Variants in KCNQ1 observed in about 807,000 individuals in gnomAD.
KCNQ1 encodes potassium voltage-gated channel subfamily KQT member 1.
In KCNQ1, 49 loss-of-function variants were observed where a neutral mutation model predicts 72.4. The ratio of observed to expected loss-of-function variants is 0.68; its 90% confidence interval spans 0.54 to 0.86. The LOEUF (loss-of-function observed/expected upper bound fraction) is 0.86. Ranked by LOEUF, KCNQ1 falls within the 40% of genes least tolerant of loss-of-function variation. The probability of loss-of-function intolerance (pLI) is 0.00; values close to 1 mark genes in which losing one functional copy is unlikely to be tolerated. For synonymous variants in KCNQ1, 450 were observed against 412.6 expected, an observed-to-expected ratio of 1.09 and a Z score of -1.10; for missense variants, 790 against 945.1, an observed-to-expected ratio of 0.84 and a Z score of 2.15.
At position 2,715,389 on chromosome 11, in the gene KCNQ1, G is replaced by C. The variant is rs911913298; in HGVS notation, c.1514+53308G>C. On this transcript the variant is annotated intron_variant, in intron 11 of 15. Transcript: ENST00000155840. This position sits in a 1 kb window ranked among gnomAD's most constrained non-coding sequence, Gnocchi z 4.9. ...GAGCAGGCAGGAGTGGGGCAGGAGG[G>C]GGCTTTGCAGATTACCCAGACCCTT... Among the ~76,000 whole-genome samples, 16 of 152,242 alleles carry C rather than the reference G, an allele frequency of 1.1e-4. No homozygotes were observed. The highest frequency in any genetic ancestry group is 6.5e-4 in the Admixed American group (10 of 15,300).
chr11:2,628,594 C>G (rs903469268), intron 10 of KCNQ1: 3 of 398,268 alleles, frequency 7.5e-6, no homozygotes, highest in African/African-American at 2.1e-5. Context: ...CATGTGCTGC[C>G]TTTTCATTTT....
chr11:2,678,061 A>G lies in KCNQ1; in HGVS notation c.1514+15980A>G. 5.0e-6 allele frequency: 2 copies of G among 398,344 alleles called. No individual in the cohort carries two copies. The highest frequency in any genetic ancestry group is 4.4e-5 in the Admixed American group (1 of 22,734). The allele number at this position is 398,344 out of a possible 1,614,324, so 24.7% of individuals were successfully genotyped here. A position where few individuals can be genotyped will look rare whatever the true frequency, so the allele number is the denominator to read the frequency against. On this transcript the variant is annotated intron_variant, in intron 11 of 15. Transcript: ENST00000155840. This position sits in a 1 kb window ranked among gnomAD's most constrained non-coding sequence, Gnocchi z 4.9. Reference sequence around the variant, plus strand: ...TGAACTATTTCTTCATACCCTTTGGACTTTGTAAAATACCTTGTCTTACTG... The same window carrying G: ...TGAACTATTTCTTCATACCCTTTGGGCTTTGTAAAATACCTTGTCTTACTG...
At chr11:2,747,065 G>A (rs530708197) in intron 11 of KCNQ1, among the ~76,000 whole-genome samples, 10 of 152,292 alleles carry the variant, frequency 6.6e-5, no homozygotes, top group African/African-American at 2.2e-4. Flanking sequence ...GGGCTCTGGC[G>A]GGGTCCTGGA....
intron 11 of KCNQ1, among the ~76,000 whole-genome samples, chr11:2,721,084 C>T (rs927227142): frequency 2.0e-5 from 3 of 152,110 alleles, no homozygotes; most frequent in Non-Finnish European, 1.5e-5. Flanking sequence ...TAAAGAGTTT[C>T]TAAAAGGTGG....
In KCNQ1 at chr11:2,662,944, G is replaced by C. The variant is rs188674372; in HGVS notation, c.1514+863G>C. ...CTGAGCCATGTGTGTCTTTGTCGTA[G>C]TGAGGCCCTGGGCCTCCTGCCTTTG... On this transcript the variant is annotated intron_variant, in intron 11 of 15. Transcript: ENST00000155840. The C allele has an allele frequency of 1.6e-3, 641 of 398,666 alleles. 3 individuals carry two copies. The highest frequency in any genetic ancestry group is 2.6e-3 in the Admixed American group (60 of 22,744). The allele number at this position is 398,666 out of a possible 1,614,324, so 24.7% of individuals were successfully genotyped here. A position where few individuals can be genotyped will look rare whatever the true frequency, so the allele number is the denominator to read the frequency against.
In KCNQ1 at chr11:2,471,265, C is replaced by T. The variant is rs1240817486; in HGVS notation, c.386+25781C>T. Among the ~76,000 whole-genome samples the T allele has an allele frequency of 1.3e-5, 2 of 152,174 alleles. No homozygotes were observed. The highest frequency in any genetic ancestry group is 2.9e-5 in the Non-Finnish European group (2 of 68,030). On this transcript the variant is annotated intron_variant, in intron 1 of 15. Transcript: ENST00000155840. The surrounding 1 kb of genome is among the most constrained non-coding windows in gnomAD (Gnocchi z 4.8). ...GTCCCCAACTTTTCAGACCCCACCT[C>T]TGTGTTGCTCTGCAAGTGGGGATCA...
intron 10 of KCNQ1, chr11:2,639,702 A>C (rs774856136): frequency 6.6e-6 from 1 of 152,256 alleles, no homozygotes; most frequent in East Asian, 1.9e-4. Context: ...TTAGATCTCA[A>C]ACTCCGTGCT....
chr11:2,494,972 G>C lies in KCNQ1; in HGVS notation c.387-32956G>C, dbSNP rs992684205. Among the ~76,000 whole-genome samples, 2 of 152,064 alleles carry C rather than the reference G, an allele frequency of 1.3e-5. No homozygotes were observed. Among genetic ancestry groups the C allele is most frequent in the Non-Finnish European group, 2.9e-5 (2 of 67,990 alleles). ...TGGGTGTGAATCCGTCTGGTCCTGGGCTTTTTTTGGTTGGCAGGCTATTAA... is the reference window on the plus strand; with the variant it reads ...TGGGTGTGAATCCGTCTGGTCCTGGCCTTTTTTTGGTTGGCAGGCTATTAA... On this transcript the variant is annotated intron_variant, in intron 1 of 15. Transcript: ENST00000155840. The surrounding 1 kb of genome is among the most constrained non-coding windows in gnomAD (Gnocchi z 4.6).
rs968728495 is a variant in KCNQ1 at position 2,713,244 on chromosome 11, C to T, written c.1514+51163C>T. 4.0e-4 allele frequency among the ~76,000 whole-genome samples: 61 copies of T among 152,242 alleles called. No homozygotes were observed. Among genetic ancestry groups the T allele is most frequent in the African/African-American group, 1.4e-3 (57 of 41,524 alleles). On this transcript the variant is annotated intron_variant, in intron 11 of 15. Transcript: ENST00000155840. This position sits in a 1 kb window ranked among gnomAD's most constrained non-coding sequence, Gnocchi z 5.6. The stretch of plus-strand genomic sequence containing the variant: ...GTCCCGAGCCAGCCGGACCTGCATC[C>T]CGCTCCTCCTCCGCTCCCTGGAAAC...
intron 15 of KCNQ1, among the ~76,000 whole-genome samples, chr11:2,838,350 G>A (rs1011169918): frequency 3.2e-4 from 49 of 152,104 alleles, no homozygotes; most frequent in African/African-American, 3.9e-4. Flanking sequence ...GGACCGGCGC[G>A]CCGGGAAGCA....
In KCNQ1 at chr11:2,601,346, C is replaced by T. The variant is rs556951835; in HGVS notation, c.1393+12492C>T. 2.0e-5 allele frequency among the ~76,000 whole-genome samples: 3 copies of T among 152,170 alleles called. No individual in the cohort carries two copies. Among genetic ancestry groups the T allele is most frequent in the South Asian group, 2.1e-4 (1 of 4,818 alleles). On this transcript the variant is annotated intron_variant, in intron 10 of 15. Coordinates refer to ENST00000155840, the MANE Select transcript of KCNQ1 (RefSeq NM_000218.3). This position sits in a 1 kb window ranked among gnomAD's most constrained non-coding sequence, Gnocchi z 5.2. Reference sequence around the variant, plus strand: ...GAAATATTTATTCAGATCTTTTGCCCGTTTAAAAAAATGAGACTTTCAAGC... The same window carrying T: ...GAAATATTTATTCAGATCTTTTGCCTGTTTAAAAAAATGAGACTTTCAAGC...
At chr11:2,802,000 G>C (rs1297874685) in intron 15 of KCNQ1, among the ~76,000 whole-genome samples, 3 of 152,136 alleles carry the variant, frequency 2.0e-5, no homozygotes, top group Non-Finnish European at 4.4e-5. Context: ...CCTCCAGTAG[G>C]GTGTTGGGGG....
rs1429169373 is a variant in KCNQ1, at chr11:2,559,132, G to C, written c.478-11496G>C. ...GAGCCTTGGCCTGCAGGGAGGTTTT[G>C]CTCAAGGAGTGTCCCTTGAGCAAAA... is the stretch of plus-strand genomic sequence containing the variant. On this transcript the variant is annotated intron_variant, in intron 2 of 15. Transcript: ENST00000155840. The surrounding 1 kb of genome is among the most constrained non-coding windows in gnomAD (Gnocchi z 4.9). Among the ~76,000 whole-genome samples the C allele has an allele frequency of 6.6e-6, 1 of 152,046 alleles. No homozygotes were observed. The highest frequency in any genetic ancestry group is 1.5e-5 in the Non-Finnish European group (1 of 67,978).
intron 11 of KCNQ1, chr11:2,675,210 C>T (rs1651151861): frequency 5.0e-6 from 2 of 398,576 alleles, no homozygotes; most frequent in South Asian, 1.3e-4. Flanking sequence ...TGTGTCATTT[C>T]CCCAGAATAG....
At chr11:2,721,512 G>C (rs541332268) in intron 11 of KCNQ1, among the ~76,000 whole-genome samples, 50 of 152,236 alleles carry the variant, frequency 3.3e-4, no homozygotes, top group Non-Finnish European at 6.6e-4. Context: ...AGGTGTGAGT[G>C]GAATCAGCAA....
chr11:2,769,699 A>G lies in KCNQ1; in HGVS notation c.1590+780A>G, dbSNP rs1846559292. ...TATCCTCTGTGGTGGGTGATCCAGA[A>G]GGCAAAAATCACAAAGCAGGGAAGG... is the stretch of plus-strand genomic sequence containing the variant. On this transcript the variant is annotated intron_variant, in intron 12 of 15. Transcript: ENST00000155840. The surrounding 1 kb of genome is among the most constrained non-coding windows in gnomAD (Gnocchi z 4.6). Among the ~76,000 whole-genome samples the G allele has an allele frequency of 6.6e-6, 1 of 152,142 alleles. No individual in the cohort carries two copies. Among genetic ancestry groups the G allele is most frequent in the Non-Finnish European group, 1.5e-5 (1 of 68,014 alleles).
rs566614136 is a variant in KCNQ1, at chr11:2,541,315, C to T, written c.477+13297C>T. Among the ~76,000 whole-genome samples, 33 of 152,356 alleles carry T rather than the reference C, an allele frequency of 2.2e-4. No individual in the cohort carries two copies. Among genetic ancestry groups the T allele is most frequent in the African/African-American group, 6.7e-4 (28 of 41,576 alleles). ...CGAGCACCATGTGCTGAGAATGATG[C>T]GTGCATTCAGAGCAGCATTTGGTGG... On this transcript the variant is annotated intron_variant, in intron 2 of 15. Coordinates refer to ENST00000155840, the MANE Select transcript of KCNQ1 (RefSeq NM_000218.3). The surrounding 1 kb of genome is among the most constrained non-coding windows in gnomAD (Gnocchi z 4.8).
Position 2,762,925 on chromosome 11 carries a change from C to T in KCNQ1, c.1515-5919C>T, listed in dbSNP as rs1317325912. 6.6e-6 allele frequency among the ~76,000 whole-genome samples: 1 copy of T among 152,182 alleles called. No homozygotes were observed. Among genetic ancestry groups the T allele is most frequent in the Non-Finnish European group, 1.5e-5 (1 of 68,036 alleles). On this transcript the variant is annotated intron_variant, in intron 11 of 15. Transcript: ENST00000155840. The surrounding 1 kb of genome is among the most constrained non-coding windows in gnomAD (Gnocchi z 4.3). ...CACTGTTCATCTGTCTGCCCACACG[C>T]TCTTAATCAAGCCCTGTGGCCTCAT...
rs1434061892 is a variant in KCNQ1 at position 2,724,870 on chromosome 11, A to C, written c.1515-43974A>C. On this transcript the variant is annotated intron_variant, in intron 11 of 15. Coordinates refer to ENST00000155840, the MANE Select transcript of KCNQ1 (RefSeq NM_000218.3). The surrounding 1 kb of genome is among the most constrained non-coding windows in gnomAD (Gnocchi z 6.8). ...AAGGTACCAGGCCTCAGCGTTCTCA[A>C]CTGTGAAATGGGAACACGGTGGTCT... Among the ~76,000 whole-genome samples, 4 of 152,178 alleles carry C rather than the reference A, an allele frequency of 2.6e-5. No homozygotes were observed. The highest frequency in any genetic ancestry group is 5.9e-5 in the Non-Finnish European group (4 of 68,024).
Sources: allele counts gnomAD v4.1 joint callset (sites outside exome capture counted in the v4.1 genomes callset), GRCh38; gene constraint gnomAD v4.1.1; non-coding constraint Gnocchi (gnomAD v3.1); transcripts MANE v1.5; gene names NCBI Gene and HGNC (gene_info 2026-07-23, HGNC 2026-07-21).